The following ACTR5 variants were observed in gnomAD, a reference collection of about 807,000 sequenced individuals.
ACTR5 encodes the protein actin-related protein 5.
Under a neutral mutation model 61.2 loss-of-function variants are expected in ACTR5, and 43 were observed. The ratio of observed to expected loss-of-function variants is 0.70; its 90% CI spans 0.55 to 0.91. The LOEUF (loss-of-function observed/expected upper bound fraction) is 0.91, where lower values mean the gene tolerates loss of function less well. ACTR5 is among the 40% of genes least tolerant of loss of function. The pLI is 0.00. For synonymous variants in ACTR5, 333 were observed against 310.5 expected, an observed-to-expected ratio of 1.07 and a Z score of -0.76; for missense variants, 798 against 782.2, an observed-to-expected ratio of 1.02 and a Z score of -0.24.
rs367992039 is a variant in ACTR5, at chr20:38,767,515, C to G, written c.1485C>G (p.Gly495=). The change falls in exon 8 of 9, where the codon GGC becomes GGG. Residue 495 remains glycine, a synonymous_variant. Coordinates refer to ENST00000243903, the MANE Select transcript of ACTR5 (RefSeq NM_024855.4). ...EMLVQNVFLT[G]GNTMYPGMKA... is the part of the protein sequence containing the mutation. ...TGGTTCAGAACGTTTTCCTCACTGG[C>G]GGCAACACGATGTATCCTGGCATGA... 4 of 1,613,876 alleles carry G rather than the reference C, an allele frequency of 2.5e-6. No homozygotes were observed.
chr20:38,754,083 T>G (rs1004323286), intron 3 of ACTR5, among the ~76,000 whole-genome samples: 1 of 152,190 alleles, frequency 6.6e-6, no homozygotes, highest in Non-Finnish European at 1.5e-5. Context: ...AGTTGTCTTA[T>G]TTATTTCATC....
At chr20:38,754,844 T>A in intron 3 of ACTR5, 113 bp from the exon 4 acceptor site, 1 of 976,258 alleles carries the variant, frequency 1.0e-6, no homozygotes, top group Non-Finnish European at 1.6e-6. Flanking sequence ...CCACCTCGGC[T>A]CCCCAAAGTG....
At position 38,755,071 on chromosome 20, in the gene ACTR5, G is replaced by A. The variant is rs781203112; in HGVS notation, c.890G>A (p.Arg297Lys). ...CTGACCTCTGAGGAGAAACAAGAAA[G>A]GCGGCAGCAGCAATTGCGGCGGCTG... ...STLTSEEKQE[R>K]RQQQLRRLQE... The change falls in exon 4 of 9, where the codon AGG becomes AAG. Residue 297 changes from arginine to lysine, a missense_variant. Physicochemically the swap from Arg to Lys is conservative, Grantham distance 26. Transcript: ENST00000243903. 1.9e-6 allele frequency: 3 copies of A among 1,614,266 alleles called. No homozygotes were observed. The highest frequency in any genetic ancestry group is 4.5e-5 in the East Asian group (2 of 44,894).
chr20:38,763,281 C>T (rs2084465546), intron 5 of ACTR5, among the ~76,000 whole-genome samples: 1 of 152,196 alleles, frequency 6.6e-6, no homozygotes, highest in Non-Finnish European at 1.5e-5. Context: ...TCCTGAAGAG[C>T]TGGGTTTGGT....
At chr20:38,759,137 AT>A (rs1354835778) in intron 5 of ACTR5, among the ~76,000 whole-genome samples, 1 of 152,220 alleles carries the variant, frequency 6.6e-6, no homozygotes, top group Admixed American at 6.5e-5. Flanking sequence ...GGTTTTGAGC[AT>A]CATCATTTGT....
chr20:38,762,777 A>G (rs899316453), intron 5 of ACTR5, among the ~76,000 whole-genome samples: 1 of 152,172 alleles, frequency 6.6e-6, no homozygotes, highest in African/African-American at 2.4e-5. Flanking sequence ...TAGGATGAAG[A>G]TGAAGAATAG....
In ACTR5 at chr20:38,754,976, TC is replaced by T; in HGVS notation, c.797del (p.Pro266LeufsTer24). ...YVEELHKWRC[P>X]DYYENNVHKM... ...TTGAAGAATTACACAAATGGCGGTG[TC>T]CTGATTATTATGAGAATAATGTCCA... On this transcript the variant is annotated frameshift_variant, in exon 4 of 9. Transcript: ENST00000243903. LOFTEE classifies it high-confidence loss of function. 1 of 1,614,210 alleles carries T rather than the reference TC, an allele frequency of 6.2e-7. No individual in the cohort carries two copies. The highest frequency in any genetic ancestry group is 8.5e-7 in the Non-Finnish European group (1 of 1,180,034).
At chr20:38,758,646 C>CAA (rs11476846) in intron 5 of ACTR5, among the ~76,000 whole-genome samples, 1 of 141,666 alleles carries the variant, frequency 7.1e-6, no homozygotes, top group Non-Finnish European at 1.5e-5. Context: ...GACCCCGTCT[C>CAA]AAAAAAAAAA....
At chr20:38,749,959 A>G (rs748819877) in intron 1 of ACTR5, 51 bp from the exon 2 acceptor site, 2 of 1,527,352 alleles carry the variant, frequency 1.3e-6, no homozygotes, top group Admixed American at 1.8e-5. Context: ...TTATGCTTCA[A>G]AAAGAGTATT....
chr20:38,768,293 ACT>A (rs1391982437), intron 8 of ACTR5, among the ~76,000 whole-genome samples: 5 of 151,434 alleles, frequency 3.3e-5, no homozygotes, highest in Admixed American at 6.6e-5. Flanking sequence ...CATGTAATAA[ACT>A]CTCAGACATG....
At chr20:38,756,742 T>G (rs2084422506) in intron 5 of ACTR5, among the ~76,000 whole-genome samples, 2 of 152,126 alleles carry the variant, frequency 1.3e-5, no homozygotes, top group South Asian at 4.1e-4. Flanking sequence ...CTGTCTGTAC[T>G]AAAAATACAA....
rs905315857 is a variant in ACTR5 at position 38,770,378 on chromosome 20, A to C, written c.1567-1181A>C. ...ACAATTTAAACCAAAATGAAAACCA[A>C]GAAAACTGTAGTTTCAGCCTCTGCG... On this transcript the variant is annotated intron_variant, in intron 8 of 8. Coordinates refer to ENST00000243903, the MANE Select transcript of ACTR5 (RefSeq NM_024855.4). Among the ~76,000 whole-genome samples, 6 of 152,384 alleles carry C rather than the reference A, an allele frequency of 3.9e-5. No homozygotes were observed. In the East Asian group the frequency reaches 7.7e-4, roughly 20 times the overall value.
rs1381764303 is a variant in ACTR5 at position 38,772,333 on chromosome 20, G to A, written c.*517G>A. On this transcript the variant is annotated 3_prime_UTR_variant, in exon 9 of 9. Coordinates refer to ENST00000243903, the MANE Select transcript of ACTR5 (RefSeq NM_024855.4). Reference sequence around the variant, plus strand: ...CACGTGCCTGTTAAGGCCCAGCTTTGTGGGAGGCTAAGGCAGGAGGATCGC... The same window carrying A: ...CACGTGCCTGTTAAGGCCCAGCTTTATGGGAGGCTAAGGCAGGAGGATCGC... 6.1e-6 allele frequency: 1 copy of A among 163,258 alleles called. No homozygotes were observed. The highest frequency in any genetic ancestry group is 2.4e-5 in the African/African-American group (1 of 41,612). The allele number at this position is 163,258 out of a possible 1,614,324, so 10.1% of individuals were successfully genotyped here.
chr20:38,748,648 C>T lies in ACTR5; in HGVS notation c.170C>T (p.Pro57Leu). 1.3e-6 allele frequency: 2 copies of T among 1,517,248 alleles called. No individual in the cohort carries two copies. Among genetic ancestry groups the T allele is most frequent in the Non-Finnish European group, 1.8e-6 (2 of 1,135,322 alleles). 94.0% of individuals were successfully genotyped at this position (1,517,248 alleles called of 1,614,324 possible). A position where few individuals can be genotyped will look rare whatever the true frequency, so the allele number is the denominator to read the frequency against. ...CCCGGGCAGGACCCAGGTCCCGAGC[C>T]GCGCCTGCAGTTCCGCGCGGTGTGC... ...ACPGQDPGPE[P>L]RLQFRAVCAR... The change falls in exon 1 of 9, where the codon CCG becomes CTG. Residue 57 changes from proline to leucine, a missense_variant. Transcript: ENST00000243903.
chr20:38,748,691 G>A lies in ACTR5; in HGVS notation c.213G>A (p.Gly71=). Reference sequence around the variant, plus strand: ...CGGTGTGCGCCCGCGGTCGTGGCGGGGCACGGGGCGCGTCGGGCCCGCAGG... The same window carrying A: ...CGGTGTGCGCCCGCGGTCGTGGCGGAGCACGGGGCGCGTCGGGCCCGCAGG... The part of the protein sequence containing the change: ...FRAVCARGRG[G]ARGASGPQVG... Residue 71 remains glycine (G), a synonymous_variant, in exon 1 of 9, where the codon GGG becomes GGA. Coordinates refer to ENST00000243903, the MANE Select transcript of ACTR5 (RefSeq NM_024855.4). 6.6e-7 allele frequency: 1 copy of A among 1,520,312 alleles called. No individual in the cohort carries two copies. Among genetic ancestry groups the A allele is most frequent in the Non-Finnish European group, 8.8e-7 (1 of 1,135,794 alleles). The allele number at this position is 1,520,312 out of a possible 1,614,324, so 94.2% of individuals were successfully genotyped here.
chr20:38,758,266 G>C (rs2084432031), intron 5 of ACTR5, among the ~76,000 whole-genome samples: 1 of 152,014 alleles, frequency 6.6e-6, no homozygotes, highest in African/African-American at 2.4e-5. Flanking sequence ...TTCATTTTAT[G>C]CTCTGGTACA....
In ACTR5 at chr20:38,750,160, C is replaced by T; in HGVS notation, c.526C>T (p.Pro176Ser). 6.2e-7 allele frequency: 1 copy of T among 1,614,186 alleles called. No homozygotes were observed. The highest frequency in any genetic ancestry group is 8.5e-7 in the Non-Finnish European group (1 of 1,180,042). The stretch of plus-strand genomic sequence containing the variant: ...CCTCTTCAGCTTCTACCACAATAAG[C>T]CAAAGAACTCGATGTGCAGTGGGCT... ...DSLFSFYHNK[P>S]KNSMCSGLII... Residue 176 changes from proline to serine, a missense_variant, in exon 2 of 9, where the codon CCA becomes TCA. Transcript: ENST00000243903.
chr20:38,765,922 G>T (rs1258000094), intron 6 of ACTR5, among the ~76,000 whole-genome samples: 1 of 152,198 alleles, frequency 6.6e-6, no homozygotes, highest in East Asian at 1.9e-4. Context: ...TCCTTGCCGT[G>T]CAGGGATAGG....
At chr20:38,768,546 G>A (rs1382862448) in intron 8 of ACTR5, among the ~76,000 whole-genome samples, 1 of 152,176 alleles carries the variant, frequency 6.6e-6, no homozygotes, top group Non-Finnish European at 1.5e-5. Context: ...ATTAAGTGTT[G>A]CCAACCAGGG....
Sources: gnomAD v4.1 joint callset for allele counts (sites outside exome capture counted in the v4.1 genomes callset) on GRCh38, gnomAD v4.1.1 for gene constraint, MANE v1.5 for transcripts, NCBI Gene and HGNC (gene_info 2026-07-23, HGNC 2026-07-21) for gene names.